The following WHAMM variants were observed in gnomAD, a reference collection of about 807,000 sequenced individuals.
The protein encoded by WHAMM is WASP homolog associated with actin, golgi membranes and microtubules, also known as WASP homolog-associated protein with actin, membranes and microtubules.
A neutral mutation model predicts 76.5 loss-of-function variants in WHAMM; 67 were observed. The observed-to-expected ratio is 0.88, with a 90% CI of 0.72 to 1.07. The LOEUF is 1.07. Ranked by LOEUF, WHAMM falls within the 50% of genes least tolerant of loss-of-function variation. WHAMM has a pLI of 0.00. For synonymous variants in WHAMM, 419 were observed against 422.1 expected (o/e 0.99, Z 0.09); for missense variants, 1,021 against 1,051.1 (o/e 0.97, Z 0.40).
intron 9 of WHAMM, among the ~76,000 whole-genome samples, chr15:82,832,477 G>T (rs973587642): frequency 1.3e-5 from 2 of 152,094 alleles, no homozygotes; most frequent in Non-Finnish European, 2.9e-5. Flanking sequence ...CCCTCTCAGG[G>T]GTCTCCAGGT....
chr15:82,813,619 AAG>A (rs2050667845), intron 2 of WHAMM, among the ~76,000 whole-genome samples: 2 of 150,764 alleles, frequency 1.3e-5, no homozygotes, highest in Admixed American at 1.3e-4. Flanking sequence ...ACAGATTTGA[AAG>A]AGTTAAATGT....
intron 1 of WHAMM, chr15:82,810,736 C>T (rs1050503060): frequency 2.0e-6 from 2 of 985,196 alleles, no homozygotes; most frequent in Non-Finnish European, 2.4e-6. Context: ...TATGAGGGGA[C>T]GTCGCAAATG....
chr15:82,825,988 T>C (rs1173885901), intron 6 of WHAMM, among the ~76,000 whole-genome samples: 1 of 152,244 alleles, frequency 6.6e-6, no homozygotes, highest in African/African-American at 2.4e-5. Flanking sequence ...CAGTGCGTGG[T>C]TAAGCACAGG....
chr15:82,826,274 C>A, intron 6 of WHAMM, 136 bp from the exon 7 acceptor site: 1 of 812,612 alleles, frequency 1.2e-6, no homozygotes, highest in Non-Finnish European at 2.0e-6. Flanking sequence ...GAGACAGTAC[C>A]ATTGGGCCGC....
rs746998593 is a variant in WHAMM at position 82,823,125 on chromosome 15, C to T, written c.1296C>T (p.Tyr432=). The T allele has an allele frequency of 6.3e-6, 9 of 1,427,386 alleles. No individual in the cohort carries two copies. The highest frequency in any genetic ancestry group is 3.3e-5 in the South Asian group (2 of 60,178). 88.4% of individuals were successfully genotyped at this position (1,427,386 alleles called of 1,614,324 possible). ...AAAAACAAGATGAAGTTGTCTATTA[C>T]GATCCATGTGAAAATCCAGAGGAAC... is the stretch of plus-strand genomic sequence containing the variant. The part of the protein sequence containing the change: ...IKEKQDEVVY[Y]DPCENPEELK... The change falls in exon 6 of 10, where the codon TAC becomes TAT. Residue 432 remains tyrosine (Y), a synonymous_variant. Transcript: ENST00000286760.
Position 82,835,357 on chromosome 15 carries a change from C to CTCGT in WHAMM, c.*1822_*1825dup, listed in dbSNP as rs1169148074. The CTCGT allele has an allele frequency of 1.3e-5, 2 of 152,556 alleles. No homozygotes were observed. The highest frequency in any genetic ancestry group is 4.8e-5 in the African/African-American group (2 of 41,462). The allele number at this position is 152,556 out of a possible 1,614,324, so 9.5% of individuals were successfully genotyped here. A position where few individuals can be genotyped will look rare whatever the true frequency, so the allele number is the denominator to read the frequency against. ...GGCAGGATGGTCTCGATCTCTTGAC[C>CTCGT]TCGTGATCCTCCCACCTTGGCCTCC... On this transcript the variant is annotated 3_prime_UTR_variant, in exon 10 of 10. Transcript: ENST00000286760.
chr15:82,817,736 G>A (rs1373311594), intron 3 of WHAMM, among the ~76,000 whole-genome samples, 184 bp from the exon 4 acceptor site: 1 of 152,016 alleles, frequency 6.6e-6, no homozygotes, highest in Non-Finnish European at 1.5e-5. Flanking sequence ...TTTAAAAATG[G>A]AATACCTAAA....
In WHAMM at chr15:82,833,673, A is replaced by T; in HGVS notation, c.*137A>T. ...CCGGAAGATCAGCAGGGCCTTGTGT[A>T]GGCTGCTGCAGCATTTTTTTTTTTT... On this transcript the variant is annotated 3_prime_UTR_variant, in exon 10 of 10. Coordinates refer to ENST00000286760, the MANE Select transcript of WHAMM (RefSeq NM_001080435.3). 1 of 885,416 alleles carries T rather than the reference A, an allele frequency of 1.1e-6. No individual in the cohort carries two copies. Among genetic ancestry groups the T allele is most frequent in the Non-Finnish European group, 1.7e-6 (1 of 601,280 alleles). The allele number at this position is 885,416 out of a possible 1,614,324, so 54.8% of individuals were successfully genotyped here.
rs892941506 is a variant in WHAMM, at chr15:82,833,614, T to TAAC, written c.*80_*82dup. On this transcript the variant is annotated 3_prime_UTR_variant, in exon 10 of 10. Transcript: ENST00000286760. ...GTCTTAGACCTATCGAAAAGCATAC[T>TAAC]AACAGGGTGCTGATAGATGGGCCAC... 14 of 1,482,074 alleles carry TAAC rather than the reference T, an allele frequency of 9.4e-6. No individual in the cohort carries two copies. The Middle Eastern group carries it at 1.6e-3, about 174-fold the overall frequency. The allele number at this position is 1,482,074 out of a possible 1,614,324, so 91.8% of individuals were successfully genotyped here. A position where few individuals can be genotyped will look rare whatever the true frequency, so the allele number is the denominator to read the frequency against.
intron 5 of WHAMM, among the ~76,000 whole-genome samples, chr15:82,820,268 C>T (rs1239256335): frequency 6.6e-6 from 1 of 152,068 alleles, no homozygotes; most frequent in Non-Finnish European, 1.5e-5. Flanking sequence ...TAATACATAA[C>T]TGTCTTTCTA....
intron 8 of WHAMM, among the ~76,000 whole-genome samples, chr15:82,827,696 G>A (rs2050958608): frequency 6.6e-6 from 1 of 152,212 alleles, no homozygotes. Flanking sequence ...TGTAATCCCA[G>A]CACTTTGGGA....
intron 6 of WHAMM, among the ~76,000 whole-genome samples, chr15:82,824,593 T>C (rs1349222957): frequency 6.6e-6 from 1 of 151,978 alleles, no homozygotes; most frequent in East Asian, 1.9e-4. Flanking sequence ...AGTGCTGGGA[T>C]TACGGGCATG....
rs148071522 is a variant in WHAMM, at chr15:82,816,754, A to G, written c.846A>G (p.Glu282=). Residue 282 remains glutamate, a synonymous_variant, in exon 3 of 10, where the codon GAA becomes GAG. Transcript: ENST00000286760. The part of the protein sequence containing the change: ...RRVVALEKEA[E]EWTRRAEEAV... The stretch of plus-strand genomic sequence containing the variant: ...TAGTTGCCCTGGAGAAAGAAGCTGA[A>G]GAATGGACCAGACGGGCTGAAGAAG... 3.2e-5 allele frequency: 50 copies of G among 1,559,010 alleles called. No individual in the cohort carries two copies. In the East Asian group the frequency reaches 1.1e-3, roughly 35 times the overall value.
intron 3 of WHAMM, among the ~76,000 whole-genome samples, chr15:82,817,215 G>A (rs544233994): frequency 5.0e-4 from 76 of 152,254 alleles, no homozygotes; most frequent in Non-Finnish European, 1.8e-4. Context: ...GGAGTATTCC[G>A]GGCAGAAGGA....
Position 82,831,020 on chromosome 15 carries a change from T to C in WHAMM, c.2063T>C (p.Leu688Pro), listed in dbSNP as rs1385273011. Residue 688 changes from leucine to proline, a missense_variant, in exon 9 of 10, where the codon CTA (leucine) becomes CCA (proline). Leu to Pro is a moderately conservative substitution (Grantham distance 98, BLOSUM62 -3). Transcript: ENST00000286760. ...APVKDDQPRP[L>P]VCESPAERPR... Reference sequence around the variant, plus strand: ...GTGAAAGATGACCAGCCACGTCCTCTAGTGTGCGAATCACCTGCTGAGCGA... The same window carrying C: ...GTGAAAGATGACCAGCCACGTCCTCCAGTGTGCGAATCACCTGCTGAGCGA... The C allele has an allele frequency of 3.7e-6, 6 of 1,608,754 alleles. No homozygotes were observed. Among genetic ancestry groups the C allele is most frequent in the Non-Finnish European group, 5.1e-6 (6 of 1,178,592 alleles).
At chr15:82,827,252 T>C (rs547641904) in intron 8 of WHAMM, among the ~76,000 whole-genome samples, 126 of 152,308 alleles carry the variant, frequency 8.3e-4, no homozygotes, top group Non-Finnish European at 1.5e-3. Flanking sequence ...GTAGTGAAAG[T>C]GCCCTGTTAA....
intron 5 of WHAMM, 149 bp from the exon 6 acceptor site, chr15:82,822,951 T>G: frequency 1.8e-6 from 1 of 571,170 alleles, no homozygotes; most frequent in South Asian, 4.9e-5. Flanking sequence ...TGCATGTATA[T>G]TACATATACA....
chr15:82,833,583 G>T lies in WHAMM; in HGVS notation c.*47G>T. ...CTGCCACAGTAGGCTTGAATAAAGTGGGTGAGTCTTAGACCTATCGAAAAG... is the reference window on the plus strand; with the variant it reads ...CTGCCACAGTAGGCTTGAATAAAGTTGGTGAGTCTTAGACCTATCGAAAAG... On this transcript the variant is annotated 3_prime_UTR_variant, in exon 10 of 10. Coordinates refer to ENST00000286760, the MANE Select transcript of WHAMM (RefSeq NM_001080435.3). The T allele has an allele frequency of 6.3e-7, 1 of 1,592,778 alleles. No homozygotes were observed. The highest frequency in any genetic ancestry group is 8.5e-7 in the Non-Finnish European group (1 of 1,171,000).
chr15:82,813,357 C>T (rs922600488), intron 2 of WHAMM, 81 bp downstream of exon 2: 6 of 1,208,762 alleles, frequency 5.0e-6, no homozygotes, highest in Non-Finnish European at 6.7e-6. Context: ...AATGTTCAAT[C>T]TCTGTTTGTA....
Sources: gnomAD v4.1 joint callset for allele counts (sites outside exome capture counted in the v4.1 genomes callset) on GRCh38, gnomAD v4.1.1 for gene constraint, MANE v1.5 for transcripts, NCBI Gene and HGNC (gene_info 2026-07-23, HGNC 2026-07-21) for gene names.